Variants in SLC27A4 observed in about 807,000 individuals in gnomAD.
SLC27A4 encodes the protein solute carrier family 27 member 4, also known as long-chain fatty acid transport protein 4.
In SLC27A4, 33 loss-of-function variants were observed where a neutral mutation model predicts 64.4. That is an observed-to-expected ratio of 0.51 (90% CI 0.39 to 0.68). The LOEUF is 0.68. SLC27A4 is among the 30% of genes least tolerant of loss of function. The probability of loss-of-function intolerance (pLI) is 0.00; values close to 1 mark genes in which losing one functional copy is unlikely to be tolerated. For missense variants in SLC27A4, 824 were observed against 883.5 expected, an observed-to-expected ratio of 0.93 and a Z score of 0.85; for synonymous variants, 377 against 370.0, an observed-to-expected ratio of 1.02 and a Z score of -0.22.
At chr9:128,346,885 G>A (rs775695514) in intron 3 of SLC27A4, among the ~76,000 whole-genome samples, 33 of 151,894 alleles carry the variant, frequency 2.2e-4, no homozygotes, top group Non-Finnish European at 4.1e-4. Context: ...CGCACCTGTA[G>A]TCCCAGCTAC....
chr9:128,349,082 T>C (rs989345545), intron 4 of SLC27A4, among the ~76,000 whole-genome samples: 1 of 152,184 alleles, frequency 6.6e-6, no homozygotes, highest in Non-Finnish European at 1.5e-5. Context: ...ACCCTTTGTA[T>C]ATTCATCAAG....
chr9:128,341,458 C>G (rs1832570640), intron 1 of SLC27A4, among the ~76,000 whole-genome samples: 1 of 152,188 alleles, frequency 6.6e-6, no homozygotes, highest in African/African-American at 2.4e-5. Context: ...CCCAAAGATT[C>G]ATCCGAGTGG....
chr9:128,344,536 A>G (rs1408477187), intron 2 of SLC27A4, among the ~76,000 whole-genome samples: 3 of 152,040 alleles, frequency 2.0e-5, no homozygotes, highest in African/African-American at 7.2e-5. Flanking sequence ...AAAACAAAAA[A>G]ACAAAGGTGG....
chr9:128,347,600 G>T (rs1393653078), intron 3 of SLC27A4, among the ~76,000 whole-genome samples: 1 of 151,512 alleles, frequency 6.6e-6, no homozygotes, highest in Non-Finnish European at 1.5e-5. Context: ...GGTGGCACAC[G>T]CCTGTAATCT....
At chr9:128,343,663 G>A (rs1372196863) in intron 2 of SLC27A4, among the ~76,000 whole-genome samples, 2 of 152,144 alleles carry the variant, frequency 1.3e-5, no homozygotes, top group East Asian at 1.9e-4. Flanking sequence ...GGTTGGCAGG[G>A]GTGTGAGATG....
rs757846177 is a variant in SLC27A4, at chr9:128,353,453, C to G, written c.1236C>G (p.Phe412Leu). ...GTTTCAATAGCCGCATCCTGTCCTT[C>G]GTGTACCCCATCCGGTTGGTACGTG... is the stretch of plus-strand genomic sequence containing the variant. The part of the protein sequence containing the change: ...ACGFNSRILS[F>L]VYPIRLVRVN... Residue 412 changes from phenylalanine to leucine, a missense_variant, in exon 9 of 13, where the codon TTC becomes TTG. Phe to Leu is a conservative substitution (Grantham distance 22, BLOSUM62 0). Transcript: ENST00000300456. This position sits in a 1 kb window ranked among gnomAD's most constrained non-coding sequence, Gnocchi z 4.9. The G allele has an allele frequency of 6.2e-7, 1 of 1,614,190 alleles. No homozygotes were observed. The highest frequency in any genetic ancestry group is 8.5e-7 in the Non-Finnish European group (1 of 1,180,048).
At chr9:128,359,019 T>C (rs1564404650) in intron 12 of SLC27A4, among the ~76,000 whole-genome samples, 1 of 152,146 alleles carries the variant, frequency 6.6e-6, no homozygotes, top group East Asian at 1.9e-4. Context: ...CCAATGGAGA[T>C]TGAAAAAGTC....
At chr9:128,352,979 T>G in intron 7 of SLC27A4, 46 bp from the exon 8 acceptor site, 6 of 1,522,432 alleles carry the variant, frequency 3.9e-6, no homozygotes, top group Non-Finnish European at 5.4e-6. Context: ...CCTAGTGTAG[T>G]GAGGGCAGCC....
At chr9:128,356,135 T>C (rs57196244) in intron 12 of SLC27A4, among the ~76,000 whole-genome samples, 13,508 of 152,068 alleles carry the variant, frequency 0.089, 885 homozygotes, top group East Asian at 0.2. Flanking sequence ...TGTCATGAGA[T>C]TAGAGTTAAA....
chr9:128,358,674 T>TG (rs1455670429), intron 12 of SLC27A4, among the ~76,000 whole-genome samples: 2 of 152,246 alleles, frequency 1.3e-5, no homozygotes, highest in African/African-American at 2.4e-5. Context: ...CTCGAACTCC[T>TG]GACCTCAGGT....
In SLC27A4 at chr9:128,352,949, G is replaced by A. The variant is rs1248387920; in HGVS notation, c.988-76G>A. 16 of 1,335,196 alleles carry A rather than the reference G, an allele frequency of 1.2e-5. No individual in the cohort carries two copies. The South Asian group carries it at 1.2e-4, about 10-fold the overall frequency. The allele number at this position is 1,335,196 out of a possible 1,614,324, so 82.7% of individuals were successfully genotyped here. A position where few individuals can be genotyped will look rare whatever the true frequency, so the allele number is the denominator to read the frequency against. On this transcript the variant is annotated intron_variant, in intron 7 of 12. Transcript: ENST00000300456. ...TGGCCAGCCCCTGGGGAGAGTAGGG[G>A]CTTGAGGGATCAGGAGAATCCTAGT...
At chr9:128,342,525 C>T in intron 1 of SLC27A4, 2 of 847,896 alleles carry the variant, frequency 2.4e-6, no homozygotes, top group Non-Finnish European at 3.7e-6. Flanking sequence ...ACAACGAAGG[C>T]TGCGCCTGCC....
intron 6 of SLC27A4, among the ~76,000 whole-genome samples, chr9:128,351,739 T>A (rs1832740197): frequency 6.6e-6 from 1 of 152,034 alleles, no homozygotes; most frequent in Admixed American, 6.5e-5. Flanking sequence ...TAAATTAATT[T>A]AATTTAATTT....
intron 1 of SLC27A4, chr9:128,342,540 C>T (rs1222596988): frequency 1.1e-5 from 8 of 751,494 alleles, no homozygotes; most frequent in Middle Eastern, 4.1e-4. Flanking sequence ...CCTGCCTCTC[C>T]CATCTGTCTA....
At position 128,348,601 on chromosome 9, in the gene SLC27A4, T is replaced by G; in HGVS notation, c.613T>G (p.Ser205Ala). Residue 205 changes from serine to alanine, a missense_variant, in exon 4 of 13, where the codon TCC (serine) becomes GCC (alanine). Physicochemically the swap from Ser to Ala is moderately conservative, Grantham distance 99 (BLOSUM62 1). Transcript: ENST00000300456. ...CTCGCTCAGCCTCTTCTGCTCTGGC[T>G]CCTGGGAGCCCGGTGCGGTGCCTCC... is the stretch of plus-strand genomic sequence containing the variant. ...DPSLSLFCSG[S>A]WEPGAVPPST... 1 of 1,613,754 alleles carries G rather than the reference T, an allele frequency of 6.2e-7. No individual in the cohort carries two copies. Among genetic ancestry groups the G allele is most frequent in the Non-Finnish European group, 8.5e-7 (1 of 1,180,014 alleles).
chr9:128,359,130 G>A (rs1344577165), intron 12 of SLC27A4, among the ~76,000 whole-genome samples: 1 of 152,162 alleles, frequency 6.6e-6, no homozygotes, highest in African/African-American at 2.4e-5. Context: ...TCTCATCCAG[G>A]TTCCAATCCC....
chr9:128,358,718 AT>A (rs1832856067), intron 12 of SLC27A4, among the ~76,000 whole-genome samples: 1 of 152,138 alleles, frequency 6.6e-6, no homozygotes, highest in South Asian at 2.1e-4. Context: ...AAGTGCCGGG[AT>A]TACAGGCGTG....
chr9:128,355,481 G>A lies in SLC27A4; in HGVS notation c.1546G>A (p.Val516Met), dbSNP rs750837144. ...GDTFRWKGEN[V>M]STTEVEGTLS... ...CACGTTCCGCTGGAAAGGTGAGAAC[G>A]TGTCCACCACCGAGGTGGAAGGCAC... Residue 516 changes from valine (V) to methionine (M), a missense_variant, in exon 11 of 13, where the codon GTG becomes ATG. Coordinates refer to ENST00000300456, the MANE Select transcript of SLC27A4 (RefSeq NM_005094.4). 25 of 1,613,190 alleles carry A rather than the reference G, an allele frequency of 1.5e-5. No homozygotes were observed. Among genetic ancestry groups the A allele is most frequent in the African/African-American group, 4.0e-5 (3 of 74,920 alleles).
chr9:128,352,926 G>T, intron 7 of SLC27A4, 99 bp from the exon 8 acceptor site: 1 of 1,189,124 alleles, frequency 8.4e-7, no homozygotes, highest in South Asian at 1.3e-5. Context: ...GGATGGCATG[G>T]CCAGCCCCTG....
Sources: allele counts gnomAD v4.1 joint callset (sites outside exome capture counted in the v4.1 genomes callset), GRCh38; gene constraint gnomAD v4.1.1; non-coding constraint Gnocchi (gnomAD v3.1); transcripts MANE v1.5; gene names NCBI Gene and HGNC (gene_info 2026-07-23, HGNC 2026-07-21).